The following BMERB1 variants were observed in gnomAD, a reference collection of about 807,000 sequenced individuals.
BMERB1 encodes bMERB domain-containing protein 1.
BMERB1 carries 12 observed loss-of-function variants against 23.6 expected under a neutral mutation model. That is an observed-to-expected ratio of 0.51 (90% CI 0.33 to 0.82). BMERB1 has a LOEUF of 0.82. Among genes scored for constraint, BMERB1 ranks in the 40% least tolerant of loss-of-function variants. The pLI is 0.03. For missense variants in BMERB1, 247 were observed against 255.4 expected, an observed-to-expected ratio of 0.97 and a Z score of 0.22; for synonymous variants, 122 against 96.6, an observed-to-expected ratio of 1.26 and a Z score of -1.54.
chr16:15,476,252 T>C (rs2051274184), intron 1 of BMERB1, among the ~76,000 whole-genome samples: 1 of 147,838 alleles, frequency 6.8e-6, no homozygotes, highest in Non-Finnish European at 1.5e-5. Context: ...AGCCTCCGCC[T>C]CCCGGGTTCA....
At chr16:15,505,950 T>C (rs2051585927) in intron 1 of BMERB1, among the ~76,000 whole-genome samples, 1 of 150,942 alleles carries the variant, frequency 6.6e-6, no homozygotes, top group Non-Finnish European at 1.5e-5. Context: ...GAGTACAGAA[T>C]ATGTAGCTGG....
At chr16:15,565,638 C>T (rs1288680601) in intron 2 of BMERB1, among the ~76,000 whole-genome samples, 1 of 152,100 alleles carries the variant, frequency 6.6e-6, no homozygotes, top group East Asian at 1.9e-4. Context: ...CACTTGAGGC[C>T]AGGAGTTCAA....
chr16:15,515,484 C>A, intron 2 of BMERB1, 56 bp downstream of exon 2: 1 of 1,574,532 alleles, frequency 6.4e-7, no homozygotes, highest in South Asian at 1.2e-5. Flanking sequence ...GAGAGGAAAA[C>A]CTAATATTTG....
At chr16:15,518,590 C>T (rs928792319) in intron 2 of BMERB1, among the ~76,000 whole-genome samples, 4 of 152,242 alleles carry the variant, frequency 2.6e-5, no homozygotes, top group Non-Finnish European at 5.9e-5. Context: ...TGCTTGAATT[C>T]ACTTTCTTGG....
chr16:15,521,033 C>G (rs374036730), intron 2 of BMERB1, among the ~76,000 whole-genome samples: 2 of 152,022 alleles, frequency 1.3e-5, no homozygotes, highest in East Asian at 1.9e-4. Context: ...TTGCTCCTCC[C>G]GAGTTCCTGT....
chr16:15,488,920 AAAAG>A (rs1255909774), intron 1 of BMERB1, among the ~76,000 whole-genome samples: 357 of 151,722 alleles, frequency 2.4e-3, no homozygotes, highest in Middle Eastern at 6.8e-3. Context: ...AAAAAAAAAA[AAAAG>A]GAATGTACTA....
chr16:15,544,449 G>A (rs916344279), intron 2 of BMERB1, among the ~76,000 whole-genome samples: 2 of 152,182 alleles, frequency 1.3e-5, no homozygotes, highest in South Asian at 4.1e-4. Context: ...GGTGGGCCCC[G>A]CAGGGAAGAC....
At chr16:15,562,160 G>A (rs1246372567) in intron 2 of BMERB1, among the ~76,000 whole-genome samples, 2 of 151,680 alleles carry the variant, frequency 1.3e-5, no homozygotes, top group Admixed American at 6.6e-5. Context: ...AAAATTAGCT[G>A]GGCCTGGTGG....
At chr16:15,482,650 T>C (rs977823527) in intron 1 of BMERB1, among the ~76,000 whole-genome samples, 1 of 152,088 alleles carries the variant, frequency 6.6e-6, no homozygotes, top group African/African-American at 2.4e-5. Context: ...AGGAAATCAC[T>C]GACAAAGCAA....
chr16:15,541,641 A>C (rs1461722816), intron 2 of BMERB1, among the ~76,000 whole-genome samples: 3 of 136,584 alleles, frequency 2.2e-5, no homozygotes, highest in African/African-American at 2.8e-5. Flanking sequence ...TTGCTCTGTC[A>C]CCCAGGCTGG....
intron 1 of BMERB1, among the ~76,000 whole-genome samples, chr16:15,464,808 A>G (rs923368595): frequency 6.6e-6 from 1 of 152,174 alleles, no homozygotes; most frequent in African/African-American, 2.4e-5. Flanking sequence ...GGTTTTGGCC[A>G]GCTTCTTTAT....
intron 2 of BMERB1, among the ~76,000 whole-genome samples, chr16:15,562,354 A>G (rs572319827): frequency 1.3e-5 from 2 of 151,850 alleles, no homozygotes; most frequent in East Asian, 3.9e-4. Flanking sequence ...GTTAGGTGAG[A>G]CAGAAAAGGA....
At chr16:15,506,368 G>A (rs2051591647) in intron 1 of BMERB1, among the ~76,000 whole-genome samples, 1 of 151,900 alleles carries the variant, frequency 6.6e-6, no homozygotes, top group Admixed American at 6.6e-5. Context: ...GTAGAGACAG[G>A]GTTTCACCGT....
intron 3 of BMERB1, among the ~76,000 whole-genome samples, chr16:15,573,725 G>T (rs1486305077): frequency 1.3e-5 from 2 of 152,058 alleles, no homozygotes; most frequent in Non-Finnish European, 2.9e-5. Context: ...TCCTAATCTT[G>T]TGCTTAATTT....
intron 1 of BMERB1, among the ~76,000 whole-genome samples, chr16:15,450,146 CAAAGCTGTAGCCT>C (rs1457786343): frequency 6.6e-6 from 1 of 152,088 alleles, no homozygotes; most frequent in Non-Finnish European, 1.5e-5. Context: ...CACCGTACTC[CAAAGCTGTAGCCT>C]AAAGCTGCCA....
At chr16:15,434,998 A>G (rs963043932) in intron 1 of BMERB1, among the ~76,000 whole-genome samples, 2 of 152,238 alleles carry the variant, frequency 1.3e-5, no homozygotes, top group Admixed American at 6.5e-5. Flanking sequence ...CCAGGCAGCT[A>G]AGGCAGGAGC....
intron 2 of BMERB1, among the ~76,000 whole-genome samples, chr16:15,563,691 C>T (rs770808447): frequency 6.6e-6 from 1 of 152,056 alleles, no homozygotes; most frequent in Non-Finnish European, 1.5e-5. Context: ...GGAGAAGGAA[C>T]AAGAGAGCAA....
chr16:15,463,900 A>T (rs930765498), intron 1 of BMERB1, among the ~76,000 whole-genome samples: 1 of 152,030 alleles, frequency 6.6e-6, no homozygotes, highest in Admixed American at 6.6e-5. Context: ...AACTTGAAGC[A>T]TAAAACTATT....
At chr16:15,567,564 A>G (rs1019573628) in intron 2 of BMERB1, among the ~76,000 whole-genome samples, 6 of 152,190 alleles carry the variant, frequency 3.9e-5, no homozygotes, top group African/African-American at 7.2e-5. Flanking sequence ...CCTGGCCACC[A>G]TGGTGAAACC....
Sources: gnomAD v4.1 joint callset for allele counts (sites outside exome capture counted in the v4.1 genomes callset) on GRCh38, gnomAD v4.1.1 for gene constraint, MANE v1.5 for transcripts, NCBI Gene and HGNC (gene_info 2026-07-23, HGNC 2026-07-21) for gene names.